FRAS1: variants seen among roughly 807,000 people sequenced by gnomAD.
FRAS1 encodes the protein extracellular matrix organizing protein FRAS1.
Under a neutral mutation model 435.2 loss-of-function variants are expected in FRAS1, and 290 were observed. The ratio of observed to expected loss-of-function variants is 0.67; its 90% confidence interval spans 0.61 to 0.73. FRAS1 has a LOEUF of 0.73. FRAS1 is among the 30% of genes least tolerant of loss of function. The probability of loss-of-function intolerance (pLI) is 0.00; values close to 1 mark genes in which losing one functional copy is unlikely to be tolerated. For missense variants in FRAS1, 4,860 were observed against 5,001.5 expected, an observed-to-expected ratio of 0.97 and a Z score of 0.85; for synonymous variants, 1,800 against 1,851.0, an observed-to-expected ratio of 0.97 and a Z score of 0.71.
intron 2 of FRAS1, among the ~76,000 whole-genome samples, chr4:78,150,068 G>C (rs997247062): frequency 6.6e-6 from 1 of 152,166 alleles, no homozygotes; most frequent in Non-Finnish European, 1.5e-5. Context: ...GAATTTTCAA[G>C]GTCAATAATG....
At chr4:78,298,605 A>C (rs539089587) in intron 14 of FRAS1, among the ~76,000 whole-genome samples, 16 of 152,350 alleles carry the variant, frequency 1.1e-4, no homozygotes, top group Non-Finnish European at 2.2e-4. Context: ...CATCATAAGC[A>C]GATTTGGACT....
At chr4:78,462,105 T>A (rs1719384866) in intron 47 of FRAS1, among the ~76,000 whole-genome samples, 1 of 134,008 alleles carries the variant, frequency 7.5e-6, no homozygotes, top group African/African-American at 2.5e-5. Context: ...CAAAGGCTCA[T>A]GCTTGTAATC....
chr4:78,170,341 A>G (rs1721501092), intron 2 of FRAS1, among the ~76,000 whole-genome samples: 1 of 152,170 alleles, frequency 6.6e-6, no homozygotes, highest in African/African-American at 2.4e-5. Context: ...TTGCTAAATG[A>G]ATGTATGAAA....
chr4:78,481,720 A>G, intron 56 of FRAS1, 84 bp from the exon 57 acceptor site: 2 of 1,451,014 alleles, frequency 1.4e-6, no homozygotes, highest in Non-Finnish European at 1.9e-6. Context: ...CCACTATTGC[A>G]GTGAGGGAGA....
intron 14 of FRAS1, among the ~76,000 whole-genome samples, chr4:78,302,007 C>T (rs183784711): frequency 0.014 from 2,051 of 151,856 alleles, 52 homozygotes; most frequent in African/African-American, 0.047. Flanking sequence ...CTCCCCACTC[C>T]CCCCACCCCA....
At chr4:78,146,904 T>G (rs545463838) in intron 2 of FRAS1, among the ~76,000 whole-genome samples, 1 of 152,276 alleles carries the variant, frequency 6.6e-6, no homozygotes, top group South Asian at 2.1e-4. Context: ...TTTCTATGTG[T>G]TTTCATAATT....
intron 2 of FRAS1, among the ~76,000 whole-genome samples, chr4:78,118,884 C>T (rs1718835491): frequency 6.6e-6 from 1 of 152,168 alleles, no homozygotes; most frequent in African/African-American, 2.4e-5. Flanking sequence ...GTTGGAAATG[C>T]AGAAATCACC....
At position 78,296,130 on chromosome 4, in the gene FRAS1, G is replaced by A. The variant is rs150696226; in HGVS notation, c.1534+9591G>A. On this transcript the variant is annotated intron_variant, in intron 14 of 73. Transcript: ENST00000512123. ...GGATGCATACATGTTATTAGGTGGT[G>A]CAAAAGTAATTGCAGTTTAAAAATA... 4.7e-3 allele frequency among the ~76,000 whole-genome samples: 710 copies of A among 151,280 alleles called. 5 individuals carry two copies. The highest frequency in any genetic ancestry group is 0.016 in the African/African-American group (670 of 41,112).
At chr4:78,086,333 A>G (rs1741163859) in intron 2 of FRAS1, among the ~76,000 whole-genome samples, 1 of 152,236 alleles carries the variant, frequency 6.6e-6, no homozygotes, top group Admixed American at 6.5e-5. Context: ...GGAAAGATCC[A>G]AAATTGACAC....
chr4:78,146,650 G>A (rs570521173), intron 2 of FRAS1, among the ~76,000 whole-genome samples: 12 of 151,908 alleles, frequency 7.9e-5, no homozygotes, highest in Middle Eastern at 3.4e-3. Context: ...CCCTATACTA[G>A]ATATTTTGAA....
At position 78,099,507 on chromosome 4, in the gene FRAS1, G is replaced by T. The variant is rs538698357; in HGVS notation, c.108+33491G>T. Among the ~76,000 whole-genome samples, 4 of 152,322 alleles carry T rather than the reference G, an allele frequency of 2.6e-5. No homozygotes were observed. The East Asian group carries it at 5.8e-4, about 22-fold the overall frequency. On this transcript the variant is annotated intron_variant, in intron 2 of 73. Transcript: ENST00000512123. ...CACGTAAAATAGGAGGTAAATTAAA[G>T]ATGTGTTTATTGAATATATCTATTG...
intron 2 of FRAS1, among the ~76,000 whole-genome samples, chr4:78,119,641 C>CA (rs35338918): frequency 1.3e-5 from 2 of 151,994 alleles, no homozygotes; most frequent in Non-Finnish European, 2.9e-5. Flanking sequence ...AATAGTGCTG[C>CA]AAAAAACAGG....
Position 78,316,483 on chromosome 4 carries a change from C to T in FRAS1, c.1819+749C>T, listed in dbSNP as rs183179568. On this transcript the variant is annotated intron_variant, in intron 16 of 73. Coordinates refer to ENST00000512123, the MANE Select transcript of FRAS1 (RefSeq NM_025074.7). ...AACCTCTTTACTCACCTGGTGTTCA[C>T]CACCTTTCCTCTGTGTCCTGCCCCC... is the stretch of plus-strand genomic sequence containing the variant. 2.0e-4 allele frequency among the ~76,000 whole-genome samples: 31 copies of T among 152,256 alleles called. 1 individual carries two copies. The highest frequency in any genetic ancestry group is 2.0e-3 in the Admixed American group (31 of 15,292).
rs1027297870 is a variant in FRAS1, at chr4:78,537,173, A to G, written c.11271A>G (p.Lys3757=). Residue 3757 remains lysine (K), a synonymous_variant, in exon 72 of 74, where the codon AAA becomes AAG. Coordinates refer to ENST00000512123, the MANE Select transcript of FRAS1 (RefSeq NM_025074.7). Reference sequence around the variant, plus strand: ...AGTATGGATGCATTCAGCCAAACAAACACCTAAAACACAGATTCCTGCTGT... The same window carrying G: ...AGTATGGATGCATTCAGCCAAACAAGCACCTAAAACACAGATTCCTGCTGT... ...GPQYGCIQPN[K]HLKHRFLLLD... The G allele has an allele frequency of 4.3e-6, 7 of 1,613,868 alleles. 1 individual carries two copies. The highest frequency in any genetic ancestry group is 1.3e-5 in the African/African-American group (1 of 74,946).
At chr4:78,372,994 A>G in intron 24 of FRAS1, 136 bp downstream of exon 24, 1 of 972,104 alleles carries the variant, frequency 1.0e-6, no homozygotes, top group Non-Finnish European at 1.5e-6. Flanking sequence ...CCTAAGAGCT[A>G]TCTTTGTTAT....
intron 2 of FRAS1, among the ~76,000 whole-genome samples, chr4:78,183,088 T>C (rs1240748106): frequency 6.6e-6 from 1 of 152,030 alleles, no homozygotes; most frequent in Non-Finnish European, 1.5e-5. Context: ...GCCGCAGAAG[T>C]CTCTGATGTT....
chr4:78,201,301 C>T (rs1449016858), intron 2 of FRAS1, among the ~76,000 whole-genome samples: 1 of 152,122 alleles, frequency 6.6e-6, no homozygotes, highest in Non-Finnish European at 1.5e-5. Context: ...AGTACCAATT[C>T]CAAAAGCATG....
intron 2 of FRAS1, among the ~76,000 whole-genome samples, chr4:78,133,477 G>GTT (rs919297166): frequency 1.3e-5 from 2 of 151,854 alleles, no homozygotes; most frequent in African/African-American, 4.8e-5. Flanking sequence ...AGTCACTATG[G>GTT]TTTATAATAA....
intron 2 of FRAS1, among the ~76,000 whole-genome samples, chr4:78,178,295 T>G (rs1345471291): frequency 1.3e-5 from 2 of 152,228 alleles, no homozygotes. Flanking sequence ...TTAAAAGGGA[T>G]TTCTGCTCTA....
Sources: gnomAD v4.1 joint callset for allele counts (sites outside exome capture counted in the v4.1 genomes callset) on GRCh38, gnomAD v4.1.1 for gene constraint, MANE v1.5 for transcripts, NCBI Gene and HGNC (gene_info 2026-07-23, HGNC 2026-07-21) for gene names.